The following FNDC3A variants were observed in gnomAD, a reference collection of about 807,000 sequenced individuals.
FNDC3A encodes the protein fibronectin type III domain containing 3A.
FNDC3A carries 32 observed loss-of-function variants against 148.9 expected under a neutral mutation model. That is an observed-to-expected ratio of 0.21 (90% CI 0.16 to 0.29). The LOEUF (loss-of-function observed/expected upper bound fraction) is 0.29. Ranked by LOEUF, FNDC3A falls within the 10% of genes least tolerant of loss-of-function variation. The pLI, the probability that FNDC3A is intolerant of heterozygous loss-of-function variation, is 1.00. For synonymous variants in FNDC3A, 472 were observed against 473.6 expected (o/e 1.00, Z 0.04); for missense variants, 1,191 against 1,452.8 (o/e 0.82, Z 2.93).
intron 1 of FNDC3A, among the ~76,000 whole-genome samples, chr13:49,000,986 A>G (rs1593454808): frequency 7.1e-6 from 1 of 141,318 alleles, no homozygotes; most frequent in African/African-American, 2.6e-5. Context: ...GTGTGTGTGT[A>G]ATCTTTAGGG....
At chr13:49,204,308 ATTTCACCTGAT>A (rs1886549515) in intron 25 of FNDC3A, among the ~76,000 whole-genome samples, 2 of 152,208 alleles carry the variant, frequency 1.3e-5, no homozygotes, top group South Asian at 2.1e-4. Context: ...ATACCTATAC[ATTTCACCTGAT>A]TTTCCCTTTT....
chr13:49,134,194 C>T (rs1882194975), intron 5 of FNDC3A, among the ~76,000 whole-genome samples: 1 of 152,222 alleles, frequency 6.6e-6, no homozygotes, highest in Admixed American at 6.5e-5. Flanking sequence ...TGTTCCTTCA[C>T]ATCCCATGAT....
At chr13:49,039,864 G>A (rs993496972) in intron 2 of FNDC3A, among the ~76,000 whole-genome samples, 12 of 152,188 alleles carry the variant, frequency 7.9e-5, no homozygotes, top group Non-Finnish European at 1.3e-4. Flanking sequence ...ACAGGCATGC[G>A]CCACCATACC....
In FNDC3A at chr13:49,207,977, G is replaced by A. The variant is rs2138153342; in HGVS notation, c.*582G>A. The A allele has an allele frequency of 6.5e-6, 1 of 152,710 alleles. No homozygotes were observed. The highest frequency in any genetic ancestry group is 1.9e-4 in the East Asian group (1 of 5,186). 9.5% of individuals were successfully genotyped at this position (152,710 alleles called of 1,614,324 possible). A position where few individuals can be genotyped will look rare whatever the true frequency, so the allele number is the denominator to read the frequency against. On this transcript the variant is annotated 3_prime_UTR_variant, in exon 26 of 26. Transcript: ENST00000492622. ...ATGAAGAAAAGCTTCTTTGATAAATGTGGAGTTCTTCATTATAAATATATA... is the reference window on the plus strand; with the variant it reads ...ATGAAGAAAAGCTTCTTTGATAAATATGGAGTTCTTCATTATAAATATATA...
intron 8 of FNDC3A, among the ~76,000 whole-genome samples, chr13:49,155,453 A>T (rs1276594710): frequency 7.0e-6 from 1 of 143,052 alleles, no homozygotes; most frequent in Non-Finnish European, 1.5e-5. Flanking sequence ...TATTTTGTTG[A>T]TCCTTTCAAA....
chr13:49,103,378 T>G (rs1451610444), intron 3 of FNDC3A, among the ~76,000 whole-genome samples: 1 of 152,230 alleles, frequency 6.6e-6, no homozygotes, highest in African/African-American at 2.4e-5. Flanking sequence ...TTGACAAGGA[T>G]AGACTGGTAT....
chr13:49,001,298 C>T (rs1952121467), intron 1 of FNDC3A, among the ~76,000 whole-genome samples: 1 of 152,182 alleles, frequency 6.6e-6, no homozygotes, highest in African/African-American at 2.4e-5. Flanking sequence ...TGTCTTTAAT[C>T]TCTTAATCCC....
chr13:49,097,652 A>G (rs1879618304), intron 3 of FNDC3A, among the ~76,000 whole-genome samples: 1 of 152,112 alleles, frequency 6.6e-6, no homozygotes, highest in Non-Finnish European at 1.5e-5. Context: ...CAGGATGTGA[A>G]CATTCTGTGC....
At chr13:49,124,130 G>GT (rs1220468498) in intron 4 of FNDC3A, among the ~76,000 whole-genome samples, 1 of 152,150 alleles carries the variant, frequency 6.6e-6, no homozygotes, top group Non-Finnish European at 1.5e-5. Flanking sequence ...AGAAAATGTG[G>GT]TGCATATACA....
At chr13:49,020,895 A>T (rs1284386920) in intron 2 of FNDC3A, among the ~76,000 whole-genome samples, 2 of 152,232 alleles carry the variant, frequency 1.3e-5, no homozygotes. Flanking sequence ...TAAAATTCCT[A>T]ATCATTTATC....
At chr13:49,042,616 GA>G (rs571227932) in intron 2 of FNDC3A, among the ~76,000 whole-genome samples, 1 of 151,820 alleles carries the variant, frequency 6.6e-6, no homozygotes, top group South Asian at 2.1e-4. Context: ...TCAAAAAATA[GA>G]AAAAAATAAT....
At chr13:48,985,621 T>C (rs948305585) in intron 1 of FNDC3A, among the ~76,000 whole-genome samples, 1 of 152,104 alleles carries the variant, frequency 6.6e-6, no homozygotes, top group African/African-American at 2.4e-5. Context: ...CGAGATACAA[T>C]ATAATACATA....
chr13:49,007,712 A>G (rs2066993015), intron 2 of FNDC3A, among the ~76,000 whole-genome samples: 1 of 152,154 alleles, frequency 6.6e-6, no homozygotes, highest in South Asian at 2.1e-4. Context: ...CTATCATGTA[A>G]CAGTAATGGT....
At chr13:49,050,052 T>C (rs1206089897) in intron 2 of FNDC3A, among the ~76,000 whole-genome samples, 3 of 152,210 alleles carry the variant, frequency 2.0e-5, no homozygotes, top group Non-Finnish European at 4.4e-5. Context: ...ATCTCACTAA[T>C]GGTCTATCAG....
chr13:48,995,809 T>A (rs1345174155), intron 1 of FNDC3A, among the ~76,000 whole-genome samples: 3 of 152,198 alleles, frequency 2.0e-5, no homozygotes, highest in African/African-American at 7.2e-5. Flanking sequence ...TATGAAATAT[T>A]TGTTTTTGGT....
intron 13 of FNDC3A, among the ~76,000 whole-genome samples, chr13:49,177,435 G>A (rs1885086586): frequency 1.3e-5 from 2 of 152,124 alleles, no homozygotes; most frequent in South Asian, 4.1e-4. Context: ...CCAGGAGTTA[G>A]GGTGTATTCT....
intron 6 of FNDC3A, among the ~76,000 whole-genome samples, chr13:49,137,072 C>T (rs1464466357): frequency 1.3e-5 from 2 of 150,908 alleles, no homozygotes; most frequent in African/African-American, 4.8e-5. Context: ...AGCAGTCCTC[C>T]CATCTTGGCC....
chr13:49,015,468 G>A (rs2137625021), intron 2 of FNDC3A, among the ~76,000 whole-genome samples: 1 of 152,340 alleles, frequency 6.6e-6, no homozygotes, highest in Non-Finnish European at 1.5e-5. Context: ...AGACTTTGCT[G>A]AAGTTGCTTA....
At chr13:49,032,281 T>A (rs185569852) in intron 2 of FNDC3A, among the ~76,000 whole-genome samples, 34 of 152,220 alleles carry the variant, frequency 2.2e-4, no homozygotes, top group Admixed American at 2.2e-3. Flanking sequence ...GTAATTTCAC[T>A]CCTAGGTATA....
Sources: gnomAD v4.1 joint callset for allele counts (sites outside exome capture counted in the v4.1 genomes callset) on GRCh38, gnomAD v4.1.1 for gene constraint, MANE v1.5 for transcripts, NCBI Gene and HGNC (gene_info 2026-07-23, HGNC 2026-07-21) for gene names.